The following CSMD1 variants were observed in gnomAD, a reference collection of about 807,000 sequenced individuals.
The protein encoded by CSMD1 is CUB and sushi domain-containing protein 1.
In CSMD1, 213 loss-of-function variants were observed where a neutral mutation model predicts 417.5. That is an observed-to-expected ratio of 0.51 (90% CI 0.46 to 0.57). CSMD1 has a LOEUF of 0.57. CSMD1 is among the 20% of genes least tolerant of loss of function. The pLI is 0.00. For missense variants in CSMD1, 6,923 were observed against 4,529.7 expected (o/e 1.53, Z -15.17); for synonymous variants, 2,862 against 1,736.8 (o/e 1.65, Z -16.11).
intron 2 of CSMD1, among the ~76,000 whole-genome samples, chr8:4,580,879 T>C (rs1179698954): frequency 5.9e-5 from 9 of 152,232 alleles, no homozygotes; most frequent in Non-Finnish European, 1.3e-4. Context: ...AAATAATTTA[T>C]TGCATTTTTC....
intron 3 of CSMD1, among the ~76,000 whole-genome samples, chr8:4,055,344 A>T (rs966990390): frequency 3.7e-4 from 56 of 152,258 alleles, no homozygotes; most frequent in African/African-American, 1.3e-3. Flanking sequence ...GATTACAAAA[A>T]TATCCTTTTT....
rs1035868074 is a variant in CSMD1 at position 4,583,094 on chromosome 8, C to T, written c.302+54248G>A. On this transcript the variant is annotated intron_variant, in intron 2 of 69. Coordinates refer to ENST00000635120, the MANE Select transcript of CSMD1 (RefSeq NM_033225.6). ...GCAGGGCTCAGGACCTGCAGCCCGC[C>T]GTGCCTGAGCCTCCCACCCACTCCA... Among the ~76,000 whole-genome samples the T allele has an allele frequency of 5.9e-5, 9 of 152,308 alleles. No homozygotes were observed. In the South Asian group the frequency reaches 1.0e-3, roughly 18 times the overall value.
intron 1 of CSMD1, among the ~76,000 whole-genome samples, chr8:4,699,385 C>T (rs962555901): frequency 6.6e-6 from 1 of 152,148 alleles, no homozygotes; most frequent in African/African-American, 2.4e-5. Context: ...CAACTCACAC[C>T]TTGTACTGAT....
chr8:4,958,992 A>C (rs1236353806), intron 1 of CSMD1, among the ~76,000 whole-genome samples: 2 of 152,166 alleles, frequency 1.3e-5, no homozygotes, highest in Admixed American at 1.3e-4. Context: ...AAACGTGAAA[A>C]CTTAAATCTT....
chr8:3,911,955 T>C (rs1237721620), intron 5 of CSMD1, among the ~76,000 whole-genome samples: 1 of 152,206 alleles, frequency 6.6e-6, no homozygotes, highest in African/African-American at 2.4e-5. Flanking sequence ...TCCACCTGAA[T>C]CTTACATCTT....
chr8:4,541,603 C>A (rs1797390391), intron 2 of CSMD1, among the ~76,000 whole-genome samples: 1 of 151,916 alleles, frequency 6.6e-6, no homozygotes, highest in Non-Finnish European at 1.5e-5. Context: ...CAAAAATTAG[C>A]CGGGCATGGT....
chr8:4,067,816 T>C (rs565218002), intron 3 of CSMD1, among the ~76,000 whole-genome samples: 2 of 152,008 alleles, frequency 1.3e-5, no homozygotes, highest in South Asian at 2.1e-4. Context: ...CAGTGGCTCA[T>C]GTCTGTGATC....
intron 2 of CSMD1, among the ~76,000 whole-genome samples, chr8:4,428,536 G>C (rs1232665392): frequency 4.6e-5 from 7 of 152,116 alleles, no homozygotes; most frequent in African/African-American, 1.4e-4. Flanking sequence ...ACACACAGAA[G>C]TATGTTAACA....
At chr8:3,995,318 G>T (rs573485344) in intron 5 of CSMD1, among the ~76,000 whole-genome samples, 1 of 152,284 alleles carries the variant, frequency 6.6e-6, no homozygotes, top group African/African-American at 2.4e-5. Flanking sequence ...CGTAGTCCTT[G>T]TGGCTGTGTT....
intron 44 of CSMD1, 87 bp from the exon 45 acceptor site, chr8:3,107,885 G>A: frequency 6.0e-6 from 5 of 830,350 alleles, no homozygotes; most frequent in Non-Finnish European, 9.8e-6. Context: ...TCTTGCAGTT[G>A]TTATAATGCT....
chr8:4,025,728 T>G (rs1032720627), intron 4 of CSMD1, among the ~76,000 whole-genome samples: 4 of 152,184 alleles, frequency 2.6e-5, no homozygotes, highest in South Asian at 2.1e-4. Flanking sequence ...AAATGAATTT[T>G]GAGGTCTCAT....
intron 3 of CSMD1, among the ~76,000 whole-genome samples, chr8:4,034,753 C>A (rs1435990150): frequency 6.6e-6 from 1 of 152,130 alleles, no homozygotes; most frequent in Admixed American, 6.5e-5. Flanking sequence ...TAAAATAAAT[C>A]AACATGTCTT....
chr8:3,161,561 G>A (rs776381055), intron 38 of CSMD1, among the ~76,000 whole-genome samples: 1 of 146,830 alleles, frequency 6.8e-6, no homozygotes, highest in Non-Finnish European at 1.5e-5. Context: ...AGCTTGCAGT[G>A]AGCCAAGATC....
chr8:3,604,811 T>C lies in CSMD1; in HGVS notation c.1097+11899A>G, dbSNP rs150160615. On this transcript the variant is annotated intron_variant, in intron 8 of 69. Transcript: ENST00000635120. ...GTGGTATCCAAGGGCATCAACGTGA[T>C]AGCATTTCTCTCTTGATGAAGACAA... Among the ~76,000 whole-genome samples the C allele has an allele frequency of 3.1e-3, 470 of 152,256 alleles. 3 individuals are homozygous for C. The highest frequency in any genetic ancestry group is 0.011 in the African/African-American group (444 of 41,552).
intron 3 of CSMD1, among the ~76,000 whole-genome samples, chr8:4,235,658 T>C (rs1240502720): frequency 1.3e-5 from 2 of 152,188 alleles, no homozygotes; most frequent in African/African-American, 4.8e-5. Context: ...TCGACCCTTT[T>C]AAAATGGGTC....
intron 40 of CSMD1, among the ~76,000 whole-genome samples, chr8:3,146,813 T>C (rs547984165): frequency 1.3e-5 from 2 of 152,354 alleles, no homozygotes; most frequent in African/African-American, 2.4e-5. Context: ...CTTATTTAAA[T>C]TGTGGCTCGA....
intron 5 of CSMD1, among the ~76,000 whole-genome samples, chr8:3,928,431 CA>C (rs1809902765): frequency 6.6e-6 from 1 of 152,146 alleles, no homozygotes. Context: ...CCTAACTTTT[CA>C]AAAACCAGTA....
intron 10 of CSMD1, among the ~76,000 whole-genome samples, chr8:3,540,168 G>A (rs151019012): frequency 2.0e-5 from 3 of 152,230 alleles, no homozygotes; most frequent in Non-Finnish European, 4.4e-5. Flanking sequence ...GTAACACAGT[G>A]ACAGTTTAGT....
intron 2 of CSMD1, among the ~76,000 whole-genome samples, chr8:4,452,908 G>GCA (rs1427246327): frequency 6.6e-6 from 1 of 152,168 alleles, no homozygotes; most frequent in Non-Finnish European, 1.5e-5. Flanking sequence ...GCAACGATGG[G>GCA]CACAGTGGTA....
Sources: allele counts gnomAD v4.1 joint callset (sites outside exome capture counted in the v4.1 genomes callset), GRCh38; gene constraint gnomAD v4.1.1; transcripts MANE v1.5; gene names NCBI Gene and HGNC (gene_info 2026-07-23, HGNC 2026-07-21).